Variants in RCC1 observed in about 807,000 individuals in gnomAD.
The protein encoded by RCC1 is regulator of chromosome condensation 1.
Under a neutral mutation model 44.4 loss-of-function variants are expected in RCC1, and 11 were observed. The observed-to-expected ratio is 0.25, with a 90% CI of 0.16 to 0.41. The LOEUF (loss-of-function observed/expected upper bound fraction) is 0.41, where lower values mean the gene tolerates loss of function less well. Among genes scored for constraint, RCC1 ranks in the 10% least tolerant of loss-of-function variants. The probability of loss-of-function intolerance (pLI) is 1.00; values close to 1 mark genes in which losing one functional copy is unlikely to be tolerated. For synonymous variants in RCC1, 213 were observed against 216.5 expected, an observed-to-expected ratio of 0.98 and a Z score of 0.14; for missense variants, 386 against 547.1, an observed-to-expected ratio of 0.71 and a Z score of 2.94.
intron 4 of RCC1, among the ~76,000 whole-genome samples, chr1:28,523,176 C>T (rs991288019): frequency 1.3e-5 from 2 of 151,676 alleles, no homozygotes; most frequent in South Asian, 4.2e-4. Flanking sequence ...GGACTACAAG[C>T]GCCCGCCACC....
intron 5 of RCC1, chr1:28,530,594 C>T (rs753745023): frequency 9.3e-6 from 15 of 1,604,918 alleles, no homozygotes; most frequent in Non-Finnish European, 1.3e-5. Context: ...GCCGAGCCCT[C>T]CTGACCAGAA....
chr1:28,535,670 A>G (rs1363769973), intron 9 of RCC1: 4 of 762,962 alleles, frequency 5.2e-6, no homozygotes, highest in South Asian at 4.4e-5. Flanking sequence ...AGTTCCACGT[A>G]AATGATACCC....
intron 2 of RCC1, 68 bp from the exon 3 acceptor site, chr1:28,508,762 T>G (rs748305438): frequency 1.9e-6 from 1 of 519,062 alleles, no homozygotes; most frequent in Non-Finnish European, 3.8e-6. Flanking sequence ...AGGAAACATA[T>G]CTAGTATACT....
chr1:28,511,072 T>C (rs1042418809), intron 3 of RCC1, among the ~76,000 whole-genome samples: 2 of 152,160 alleles, frequency 1.3e-5, no homozygotes, highest in African/African-American at 4.8e-5. Flanking sequence ...TTTTAGACTT[T>C]CCAAACAGGC....
chr1:28,538,191 G>A lies in RCC1; in HGVS notation c.*184G>A. The A allele has an allele frequency of 1.8e-6, 1 of 558,496 alleles. No individual in the cohort carries two copies. Among genetic ancestry groups the A allele is most frequent in the Non-Finnish European group, 3.1e-6 (1 of 325,350 alleles). The allele number at this position is 558,496 out of a possible 1,614,324, so 34.6% of individuals were successfully genotyped here. A position where few individuals can be genotyped will look rare whatever the true frequency, so the allele number is the denominator to read the frequency against. On this transcript the variant is annotated 3_prime_UTR_variant, in exon 13 of 13. Transcript: ENST00000683442. The stretch of plus-strand genomic sequence containing the variant: ...CCTTCCTCCTCTTTGGAATTTTCCT[G>A]GGACCTACAGAATAAAGGGGGGGAT...
intron 3 of RCC1, chr1:28,510,681 A>T (rs528305614): frequency 6.6e-6 from 1 of 152,340 alleles, no homozygotes; most frequent in African/African-American, 2.4e-5. Context: ...AGTGGGCTTT[A>T]ATACAGCATA....
At chr1:28,530,050 A>G in intron 5 of RCC1, 111 bp downstream of exon 5, 1 of 768,422 alleles carries the variant, frequency 1.3e-6, no homozygotes, top group Non-Finnish European at 2.1e-6. Context: ...GTGGATGTGC[A>G]GAGACCCCAC....
chr1:28,531,687 TA>T, intron 5 of RCC1, 115 bp from the exon 6 acceptor site: 1 of 778,788 alleles, frequency 1.3e-6, no homozygotes, highest in Non-Finnish European at 1.9e-6. Context: ...AAGTTCATAC[TA>T]ACAGTCTGTG....
At chr1:28,534,941 C>T in intron 7 of RCC1, 109 bp from the exon 8 acceptor site, 1 of 806,768 alleles carries the variant, frequency 1.2e-6, no homozygotes, top group Non-Finnish European at 2.2e-6. Flanking sequence ...AGTATGTGGC[C>T]TGGCTCCTGC....
chr1:28,529,657 T>A (rs967152465), intron 4 of RCC1, among the ~76,000 whole-genome samples: 1 of 152,078 alleles, frequency 6.6e-6, no homozygotes, highest in Admixed American at 6.6e-5. Context: ...GTTTTTAAAA[T>A]GTTATGAAGG....
Position 28,506,070 on chromosome 1 carries a change from C to T in RCC1, c.-276C>T, listed in dbSNP as rs748493338. On this transcript the variant is annotated 5_prime_UTR_variant, in exon 1 of 13. Transcript: ENST00000683442. ...TTTTTGGAGACAGATTCGCAGTGGT[C>T]GCTTCTTCTCCTTGGTAAGTGTGAT... 15 of 456,024 alleles carry T rather than the reference C, an allele frequency of 3.3e-5. No homozygotes were observed. Among genetic ancestry groups the T allele is most frequent in the South Asian group, 1.4e-4 (9 of 64,566 alleles). The allele number at this position is 456,024 out of a possible 1,614,324, so 28.2% of individuals were successfully genotyped here. A position where few individuals can be genotyped will look rare whatever the true frequency, so the allele number is the denominator to read the frequency against.
intron 8 of RCC1, 50 bp from the exon 9 acceptor site, chr1:28,535,208 G>A (rs11584475): frequency 6.2e-7 from 1 of 1,614,194 alleles, no homozygotes; most frequent in Admixed American, 1.7e-5. Flanking sequence ...GGCTGGCCTA[G>A]CCTTGGGCCT....
rs79483058 is a variant in RCC1, at chr1:28,519,874, AT to A, written c.-10+3021del. 3.6e-3 allele frequency among the ~76,000 whole-genome samples: 504 copies of A among 140,676 alleles called. 2 individuals carry two copies. The highest frequency in any genetic ancestry group is 0.01 in the African/African-American group (398 of 38,396). 92.3% of individuals were successfully genotyped at this position (140,676 alleles called of 152,430 possible). A position where few individuals can be genotyped will look rare whatever the true frequency, so the allele number is the denominator to read the frequency against. The stretch of plus-strand genomic sequence containing the variant: ...AGGTGTGAGCCACCGCACCCGGCCA[AT>A]TTTTTTTTTTTTTCTGATACAGAAT... On this transcript the variant is annotated intron_variant, in intron 4 of 12. Transcript: ENST00000683442.
chr1:28,517,952 A>G (rs1035931967), intron 4 of RCC1, among the ~76,000 whole-genome samples: 2 of 152,124 alleles, frequency 1.3e-5, no homozygotes, highest in African/African-American at 4.8e-5. Flanking sequence ...AGGGAAGATG[A>G]GTATCTTTTT....
rs1219993450 is a variant in RCC1 at position 28,508,156 on chromosome 1, AT to A, written c.-230del. 3.1e-5 allele frequency: 14 copies of A among 445,214 alleles called. No individual in the cohort carries two copies. In the East Asian group the frequency reaches 9.2e-4, roughly 29 times the overall value. The allele number at this position is 445,214 out of a possible 1,614,324, so 27.6% of individuals were successfully genotyped here. A position where few individuals can be genotyped will look rare whatever the true frequency, so the allele number is the denominator to read the frequency against. On this transcript the variant is annotated 5_prime_UTR_variant, in exon 2 of 13. Coordinates refer to ENST00000683442, the MANE Select transcript of RCC1 (RefSeq NM_001381865.2). ...TTGTTAAGGATTCCAAGTAACTCTT[AT>A]TTGGTGAGTAAATCTGCTAATTGTT...
At chr1:28,530,542 C>T in intron 5 of RCC1, 1 of 1,605,294 alleles carries the variant, frequency 6.2e-7, no homozygotes. Context: ...CCGCTGCCTC[C>T]CGCCGCGTTC....
intron 4 of RCC1, among the ~76,000 whole-genome samples, chr1:28,528,009 CAAAAAAAA>C (rs56261878): frequency 1.0e-5 from 1 of 97,618 alleles, no homozygotes; most frequent in Non-Finnish European, 2.2e-5. Flanking sequence ...AACTCTGCTT[CAAAAAAAA>C]AAAAAAAAAA....
intron 9 of RCC1, chr1:28,535,619 A>G (rs1429705598): frequency 1.3e-6 from 1 of 771,210 alleles, no homozygotes; most frequent in Non-Finnish European, 2.2e-6. Flanking sequence ...GGTTGCTGTG[A>G]AGTTAAATGA....
intron 5 of RCC1, 67 bp from the exon 6 acceptor site, chr1:28,531,736 A>G: frequency 7.3e-7 from 1 of 1,371,578 alleles, no homozygotes; most frequent in Non-Finnish European, 9.7e-7. Context: ...GTCTGATCCC[A>G]GAGCCTGTGA....
Sources: gnomAD v4.1 joint callset for allele counts (sites outside exome capture counted in the v4.1 genomes callset) on GRCh38, gnomAD v4.1.1 for gene constraint, MANE v1.5 for transcripts, NCBI Gene and HGNC (gene_info 2026-07-23, HGNC 2026-07-21) for gene names.